PABPC4: variants seen among roughly 807,000 people sequenced by gnomAD.
PABPC4 encodes the protein polyadenylate-binding protein 4.
A neutral mutation model predicts 74.5 loss-of-function variants in PABPC4; 15 were observed. The observed-to-expected ratio is 0.20, with a 90% CI of 0.13 to 0.31. PABPC4 has a LOEUF of 0.31. PABPC4 is among the 10% of genes least tolerant of loss of function. The pLI is 1.00. For synonymous variants in PABPC4, 345 were observed against 303.0 expected, an observed-to-expected ratio of 1.14 and a Z score of -1.44; for missense variants, 610 against 853.5, an observed-to-expected ratio of 0.71 and a Z score of 3.55.
intron 6 of PABPC4, 112 bp downstream of exon 6, chr1:39,568,690 G>T (rs1645890258): frequency 3.2e-6 from 3 of 949,364 alleles, no homozygotes; most frequent in Non-Finnish European, 4.8e-6. Flanking sequence ...TAGGTAAAAT[G>T]GGAAGAAGAA....
intron 5 of PABPC4, 102 bp downstream of exon 5, chr1:39,569,493 G>T: frequency 1.2e-6 from 1 of 800,650 alleles, no homozygotes; most frequent in Non-Finnish European, 2.2e-6. Flanking sequence ...TCTACTACCA[G>T]ATACTCAGAC....
At chr1:39,564,307 T>A in intron 10 of PABPC4, 116 bp downstream of exon 10, 1 of 1,255,854 alleles carries the variant, frequency 8.0e-7, no homozygotes, top group Non-Finnish European at 1.1e-6. Context: ...ACAGCTAAGA[T>A]TACAGAACCA....
chr1:39,571,175 G>C (rs2293476), intron 3 of PABPC4, 59 bp downstream of exon 3: 326,240 of 1,610,554 alleles, frequency 0.2, 36,144 homozygotes, highest in Non-Finnish European at 0.23. Context: ...CCAGTTAATA[G>C]CGAGGTGGGG....
chr1:39,572,184 TGAGTA>T (rs1161758598), intron 2 of PABPC4, among the ~76,000 whole-genome samples: 2 of 152,202 alleles, frequency 1.3e-5, no homozygotes, highest in Non-Finnish European at 2.9e-5. Flanking sequence ...TATTTCAGGC[TGAGTA>T]AAGAACAAGG....
Position 39,562,211 on chromosome 1 carries a change from G to A in PABPC4, c.1763-8C>T. 1.9e-6 allele frequency: 3 copies of A among 1,614,052 alleles called. No homozygotes were observed. Among genetic ancestry groups the A allele is most frequent in the Non-Finnish European group, 2.5e-6 (3 of 1,179,942 alleles). On this transcript the variant is annotated splice_polypyrimidine_tract_variant and splice_region_variant and intron_variant, in intron 13 of 15. Coordinates refer to ENST00000372858, the MANE Select transcript of PABPC4 (RefSeq NM_001135653.2). ...GTGGGAACAAGCGTTCTCCTATGGG[G>A]AGGATAGTTAATAAAAAAACAAATC...
intron 1 of PABPC4, among the ~76,000 whole-genome samples, chr1:39,574,994 G>C (rs1026734141): frequency 1.3e-5 from 2 of 152,182 alleles, no homozygotes; most frequent in African/African-American, 2.4e-5. Flanking sequence ...ATTTTCTTCA[G>C]ATTAGATGAA....
Position 39,564,678 on chromosome 1 carries a change from C to T in PABPC4, c.1333+8G>A. ...CTGGGCTGTCAATTACTGTTCCCCA[C>T]CACCTACCTTGAGGTCTCCCACCTT... On this transcript the variant is annotated splice_region_variant and intron_variant, in intron 9 of 15. Transcript: ENST00000372858. 1 of 1,613,674 alleles carries T rather than the reference C, an allele frequency of 6.2e-7. No individual in the cohort carries two copies. The highest frequency in any genetic ancestry group is 8.5e-7 in the Non-Finnish European group (1 of 1,179,644).
At chr1:39,564,388 C>T (rs1240397550) in intron 10 of PABPC4, 35 bp downstream of exon 10, 1 of 1,608,886 alleles carries the variant, frequency 6.2e-7, no homozygotes, top group Non-Finnish European at 8.5e-7. Context: ...ACTCCCTCCT[C>T]CCCAGGCCAC....
chr1:39,568,015 T>C, intron 6 of PABPC4, 169 bp from the exon 7 acceptor site: 1 of 511,840 alleles, frequency 2.0e-6, no homozygotes, highest in Non-Finnish European at 3.5e-6. Flanking sequence ...CCCAGCACTT[T>C]GGGAGGCCGA....
In PABPC4 at chr1:39,560,989, T is replaced by C. The variant is rs1260104186; in HGVS notation, c.*147A>G. ...TAATTGAAAAATTCTAGGTGCTTCA[T>C]AATTGACCTTTTGATACAAAATGAC... On this transcript the variant is annotated 3_prime_UTR_variant, in exon 16 of 16. Coordinates refer to ENST00000372858, the MANE Select transcript of PABPC4 (RefSeq NM_001135653.2). The C allele has an allele frequency of 5.3e-6, 2 of 379,528 alleles. No individual in the cohort carries two copies. Among genetic ancestry groups the C allele is most frequent in the Non-Finnish European group, 1.1e-5 (2 of 181,406 alleles). 23.5% of individuals were successfully genotyped at this position (379,528 alleles called of 1,614,324 possible).
At chr1:39,574,580 T>C (rs1049022039) in intron 1 of PABPC4, among the ~76,000 whole-genome samples, 1 of 152,218 alleles carries the variant, frequency 6.6e-6, no homozygotes, top group Admixed American at 6.5e-5. Context: ...TGCGCTCCTA[T>C]GGCCATGGAC....
intron 7 of PABPC4, among the ~76,000 whole-genome samples, chr1:39,565,709 T>A (rs910298380): frequency 2.0e-5 from 3 of 152,030 alleles, no homozygotes; most frequent in African/African-American, 7.3e-5. Flanking sequence ...ACACCTGTAA[T>A]CCTAGCTACT....
intron 2 of PABPC4, chr1:39,571,638 C>T (rs751100381): frequency 1.9e-6 from 1 of 522,124 alleles, no homozygotes; most frequent in Admixed American, 2.5e-5. Context: ...CCTGTAATCC[C>T]AATGCTTTGG....
At position 39,565,231 on chromosome 1, in the gene PABPC4, T is replaced by G. The variant is rs1645819399; in HGVS notation, c.1120A>C (p.Arg374=). 1 of 1,614,186 alleles carries G rather than the reference T, an allele frequency of 6.2e-7. No homozygotes were observed. Among genetic ancestry groups the G allele is most frequent in the Non-Finnish European group, 8.5e-7 (1 of 1,180,038 alleles). Residue 374 remains arginine (R), a synonymous_variant, in exon 8 of 16, where the codon AGA becomes CGA. Transcript: ENST00000372858. ...YVALAQRKEE[R]KAHLTNQYMQ... is the part of the protein sequence containing the mutation. ...TACTGGTTGGTCAGGTGAGCCTTTC[T>G]CTCTTCCTTCCTCTGGGCCAGGGCA...
chr1:39,569,020 C>A lies in PABPC4; in HGVS notation c.739-81G>T, dbSNP rs1283356706. ...GGAGGTCTAAGTCCCAAAAAATATT[C>A]TTTCTACTATAGGACTAAAAACTAA... On this transcript the variant is annotated intron_variant, in intron 5 of 15. Coordinates refer to ENST00000372858, the MANE Select transcript of PABPC4 (RefSeq NM_001135653.2). 9 of 1,481,128 alleles carry A rather than the reference C, an allele frequency of 6.1e-6. No homozygotes were observed. In the Admixed American group the frequency reaches 1.1e-4, roughly 18 times the overall value. 91.7% of individuals were successfully genotyped at this position (1,481,128 alleles called of 1,614,324 possible). A position where few individuals can be genotyped will look rare whatever the true frequency, so the allele number is the denominator to read the frequency against.
intron 2 of PABPC4, 116 bp downstream of exon 2, chr1:39,572,277 A>AT: frequency 1.3e-6 from 1 of 799,660 alleles, no homozygotes; most frequent in South Asian, 1.8e-5. Context: ...CATGTCCAGC[A>AT]TTTTGAAAAT....
intron 1 of PABPC4, among the ~76,000 whole-genome samples, chr1:39,574,356 G>A (rs77765969): frequency 1.5e-3 from 222 of 152,354 alleles, no homozygotes; most frequent in African/African-American, 5.1e-3. Context: ...TCTATTTCCA[G>A]ACAGCACTGC....
chr1:39,567,912 C>T, intron 6 of PABPC4, 66 bp from the exon 7 acceptor site: 2 of 930,384 alleles, frequency 2.1e-6, no homozygotes, highest in East Asian at 5.0e-5. Flanking sequence ...AAAGTGGTTC[C>T]CCAAGGGTGG....
intron 12 of PABPC4, 49 bp from the exon 13 acceptor site, chr1:39,562,465 C>A: frequency 7.4e-7 from 1 of 1,359,904 alleles, no homozygotes. Flanking sequence ...AGGACAACAC[C>A]TGATGGTGGT....
Sources: allele counts gnomAD v4.1 joint callset (sites outside exome capture counted in the v4.1 genomes callset), GRCh38; gene constraint gnomAD v4.1.1; transcripts MANE v1.5; gene names NCBI Gene and HGNC (gene_info 2026-07-23, HGNC 2026-07-21).